BACH2: variants seen among roughly 807,000 people sequenced by gnomAD.
BACH2 encodes the protein transcription regulator protein BACH2.
In BACH2, 5 loss-of-function variants were observed where a neutral mutation model predicts 61.8. The observed-to-expected ratio is 0.08, with a 90% CI of 0.04 to 0.17. BACH2 has a LOEUF of 0.17. BACH2 is among the 10% of genes least tolerant of loss of function. The pLI is 1.00. For missense variants in BACH2, 824 were observed against 1,091.1 expected (o/e 0.76, Z 3.45); for synonymous variants, 446 against 440.1 (o/e 1.01, Z -0.17).
chr6:90,111,052 C>T (rs941166606), intron 4 of BACH2, among the ~76,000 whole-genome samples: 3 of 152,212 alleles, frequency 2.0e-5, no homozygotes, highest in Non-Finnish European at 4.4e-5. Flanking sequence ...TATCTTGTTT[C>T]GTGCTGAGGT....
intron 6 of BACH2, among the ~76,000 whole-genome samples, chr6:89,997,758 T>G (rs1776931149): frequency 6.6e-6 from 1 of 152,200 alleles, no homozygotes; most frequent in African/African-American, 2.4e-5. Flanking sequence ...TGGATAGATC[T>G]TCAAAGTGAC....
At chr6:90,221,186 G>T (rs1769722740) in intron 3 of BACH2, among the ~76,000 whole-genome samples, 1 of 152,158 alleles carries the variant, frequency 6.6e-6, no homozygotes, top group Non-Finnish European at 1.5e-5. Flanking sequence ...ATCCCTATAA[G>T]CAAGATAGGT....
At chr6:90,195,846 C>G (rs1238187123) in intron 4 of BACH2, among the ~76,000 whole-genome samples, 1 of 152,174 alleles carries the variant, frequency 6.6e-6, no homozygotes, top group African/African-American at 2.4e-5. Context: ...CTACTCTCAA[C>G]CCCCTTCCAG....
At chr6:90,167,948 A>G (rs1276439365) in intron 4 of BACH2, among the ~76,000 whole-genome samples, 1 of 152,256 alleles carries the variant, frequency 6.6e-6, no homozygotes, top group African/African-American at 2.4e-5. Context: ...TGTAAAAGTC[A>G]TTAAAAAGTA....
At chr6:90,295,155 T>C (rs939400068) in intron 1 of BACH2, among the ~76,000 whole-genome samples, 1 of 152,000 alleles carries the variant, frequency 6.6e-6, no homozygotes, top group African/African-American at 2.4e-5. Context: ...TCCCTCTCGT[T>C]TCCTGGAGGC....
At chr6:90,071,985 CAG>C (rs1409268499) in intron 5 of BACH2, among the ~76,000 whole-genome samples, 1 of 151,996 alleles carries the variant, frequency 6.6e-6, no homozygotes, top group Admixed American at 6.6e-5. Flanking sequence ...CTTGCTGTCT[CAG>C]GGGTGGCAGA....
intron 5 of BACH2, among the ~76,000 whole-genome samples, chr6:90,037,298 C>A (rs1327389619): frequency 6.6e-6 from 1 of 152,140 alleles, no homozygotes; most frequent in Non-Finnish European, 1.5e-5. Flanking sequence ...TTAAAAAAGC[C>A]CATCTTCAAA....
Position 89,931,970 on chromosome 6 carries a change from A to G in BACH2, c.*438T>C, listed in dbSNP as rs1451264276. The G allele has an allele frequency of 6.8e-6, 1 of 147,408 alleles. No individual in the cohort carries two copies. Among genetic ancestry groups the G allele is most frequent in the Non-Finnish European group, 1.5e-5 (1 of 67,180 alleles). The allele number at this position is 147,408 out of a possible 1,614,324, so 9.1% of individuals were successfully genotyped here. A position where few individuals can be genotyped will look rare whatever the true frequency, so the allele number is the denominator to read the frequency against. ...ATATATATATATATTTTATATATATATTATATATAATATGTACAGTCTAGC... is the reference window on the plus strand; with the variant it reads ...ATATATATATATATTTTATATATATGTTATATATAATATGTACAGTCTAGC... On this transcript the variant is annotated 3_prime_UTR_variant, in exon 9 of 9. Transcript: ENST00000257749.
At chr6:90,103,024 TATA>T (rs1379515697) in intron 4 of BACH2, among the ~76,000 whole-genome samples, 6 of 56,088 alleles carry the variant, frequency 1.1e-4, no homozygotes, top group African/African-American at 3.6e-4. Flanking sequence ...TATATATATA[TATA>T]TATTTTTTTT....
rs1562370062 is a variant in BACH2 at position 90,014,460 on chromosome 6, ATATATATAT to A, written c.-12-5613_-12-5605del. Reference sequence around the variant, plus strand: ...TGTGTGTATATATATATATATATATATATATATATTTTTTTTTTTTTTTTTTTTTTTTTA... The same window carrying A: ...TGTGTGTATATATATATATATATATATTTTTTTTTTTTTTTTTTTTTTTTA... On this transcript the variant is annotated intron_variant, in intron 5 of 8. Transcript: ENST00000257749. Among the ~76,000 whole-genome samples, 5 of 72,184 alleles carry A rather than the reference ATATATATAT, an allele frequency of 6.9e-5. No homozygotes were observed. In the East Asian group the frequency reaches 1.4e-3, roughly 21 times the overall value. The allele number at this position is 72,184 out of a possible 152,430, so 47.4% of individuals were successfully genotyped here.
intron 6 of BACH2, among the ~76,000 whole-genome samples, chr6:89,999,173 A>T (rs988159589): frequency 5.3e-5 from 8 of 152,228 alleles, no homozygotes; most frequent in Non-Finnish European, 8.8e-5. Context: ...GAGATACATA[A>T]TCAATGTTTG....
At chr6:90,290,792 A>C (rs894440289) in intron 1 of BACH2, among the ~76,000 whole-genome samples, 2 of 152,200 alleles carry the variant, frequency 1.3e-5, no homozygotes, top group South Asian at 2.1e-4. Flanking sequence ...GGGAGGGAGA[A>C]TAGAAGATGG....
chr6:90,218,730 C>T (rs1269965692), intron 3 of BACH2, among the ~76,000 whole-genome samples: 4 of 152,020 alleles, frequency 2.6e-5, no homozygotes, highest in Non-Finnish European at 5.9e-5. Flanking sequence ...GGAAACGGGC[C>T]GTGAAAAGCA....
intron 2 of BACH2, among the ~76,000 whole-genome samples, chr6:90,270,239 A>G (rs1302909788): frequency 1.3e-5 from 2 of 152,182 alleles, no homozygotes; most frequent in African/African-American, 4.8e-5. Flanking sequence ...TCCTTTGGGT[A>G]GATAATAGTG....
intron 5 of BACH2, among the ~76,000 whole-genome samples, chr6:90,030,003 G>C (rs1479634398): frequency 6.6e-6 from 1 of 152,218 alleles, no homozygotes; most frequent in Non-Finnish European, 1.5e-5. Flanking sequence ...TCTTGAGTGT[G>C]CTTTATTTCT....
chr6:90,136,852 T>C (rs1380757574), intron 4 of BACH2, among the ~76,000 whole-genome samples: 1 of 151,964 alleles, frequency 6.6e-6, no homozygotes, highest in Non-Finnish European at 1.5e-5. Context: ...CTTTTTTTTT[T>C]TTTAAATCCT....
At chr6:90,233,518 T>G (rs1224886593) in intron 3 of BACH2, among the ~76,000 whole-genome samples, 1 of 152,210 alleles carries the variant, frequency 6.6e-6, no homozygotes, top group Non-Finnish European at 1.5e-5. Context: ...TTAATGGCTA[T>G]ATGACCCTGG....
At chr6:90,099,914 C>T (rs1015677893) in intron 4 of BACH2, among the ~76,000 whole-genome samples, 13 of 152,090 alleles carry the variant, frequency 8.5e-5, no homozygotes, top group African/African-American at 2.7e-4. Context: ...AAACCTACAC[C>T]CATAGTAGTT....
At chr6:90,129,865 TTTG>T (rs926866834) in intron 4 of BACH2, among the ~76,000 whole-genome samples, 7 of 151,996 alleles carry the variant, frequency 4.6e-5, no homozygotes, top group African/African-American at 7.2e-5. Context: ...AAGTTTTTTT[TTTG>T]TTGTTGTTGT....
Sources: allele counts gnomAD v4.1 joint callset (sites outside exome capture counted in the v4.1 genomes callset), GRCh38; gene constraint gnomAD v4.1.1; transcripts MANE v1.5; gene names NCBI Gene and HGNC (gene_info 2026-07-23, HGNC 2026-07-21).